Variants in PRKAR1B observed in about 807,000 individuals in gnomAD.
PRKAR1B encodes protein kinase cAMP-dependent type I regulatory subunit beta, also known as cAMP-dependent protein kinase type I-beta regulatory subunit.
Under a neutral mutation model 46.5 loss-of-function variants are expected in PRKAR1B, and 22 were observed. The ratio of observed to expected loss-of-function variants is 0.47; its 90% CI spans 0.34 to 0.68. The LOEUF (loss-of-function observed/expected upper bound fraction) is 0.68. PRKAR1B is among the 30% of genes least tolerant of loss of function. The probability of loss-of-function intolerance (pLI) is 0.01; values close to 1 mark genes in which losing one functional copy is unlikely to be tolerated. For missense variants in PRKAR1B, 445 were observed against 535.6 expected, an observed-to-expected ratio of 0.83 and a Z score of 1.67; for synonymous variants, 259 against 217.7, an observed-to-expected ratio of 1.19 and a Z score of -1.67.
chr7:594,543 A>C (rs1166361430), intron 7 of PRKAR1B, among the ~76,000 whole-genome samples: 1 of 152,134 alleles, frequency 6.6e-6, no homozygotes, highest in Non-Finnish European at 1.5e-5. Flanking sequence ...CGGCCACCCA[A>C]ACCACAGGCG....
intron 7 of PRKAR1B, among the ~76,000 whole-genome samples, chr7:587,153 G>A (rs548712545): frequency 1.3e-5 from 2 of 152,338 alleles, no homozygotes; most frequent in East Asian, 3.9e-4. Context: ...AGGAAAGAGA[G>A]ATGGACTGGA....
At chr7:557,510 G>A (rs974785419) in intron 9 of PRKAR1B, among the ~76,000 whole-genome samples, 7 of 152,236 alleles carry the variant, frequency 4.6e-5, no homozygotes, top group Non-Finnish European at 8.8e-5. Flanking sequence ...ATGGACATCT[G>A]TGCCAGATGC....
chr7:669,437 T>A (rs1420611214), intron 4 of PRKAR1B, among the ~76,000 whole-genome samples: 1 of 152,136 alleles, frequency 6.6e-6, no homozygotes, highest in African/African-American at 2.4e-5. Flanking sequence ...CCATTGTGAA[T>A]GTAACTAATG....
At chr7:641,882 CCATT>C (rs1227820391) in intron 4 of PRKAR1B, among the ~76,000 whole-genome samples, 5 of 151,632 alleles carry the variant, frequency 3.3e-5, no homozygotes, top group Non-Finnish European at 7.4e-5. Flanking sequence ...TTGAATGACT[CCATT>C]TATTTATGTA....
chr7:675,666 G>C (rs1329094680), intron 4 of PRKAR1B, among the ~76,000 whole-genome samples: 2 of 152,188 alleles, frequency 1.3e-5, no homozygotes, highest in East Asian at 3.9e-4. Context: ...TAAAAATGCA[G>C]GCCGGGCGCA....
chr7:680,835 C>A (rs376227735), intron 2 of PRKAR1B, 109 bp from the exon 3 acceptor site: 4 of 1,289,396 alleles, frequency 3.1e-6, no homozygotes, highest in Non-Finnish European at 2.2e-6. Context: ...GTGGGAGGAT[C>A]GCTTGAACTC....
chr7:652,137 A>G (rs1784933961), intron 4 of PRKAR1B, among the ~76,000 whole-genome samples: 1 of 141,660 alleles, frequency 7.1e-6, no homozygotes, highest in African/African-American at 2.8e-5. Context: ...AAGACAGTTC[A>G]CACCCACACA....
intron 9 of PRKAR1B, among the ~76,000 whole-genome samples, chr7:556,511 C>T (rs971270197): frequency 2.6e-5 from 4 of 152,348 alleles, no homozygotes; most frequent in South Asian, 2.1e-4. Flanking sequence ...AACAGTCTTC[C>T]GCACGGAGTC....
rs372464273 is a variant in PRKAR1B at position 701,300 on chromosome 7, AAAAG to A, written c.177+10025_177+10028del. Among the ~76,000 whole-genome samples the A allele has an allele frequency of 2.5e-3, 344 of 139,824 alleles. 1 individual carries two copies. The highest frequency in any genetic ancestry group is 9.3e-3 in the African/African-American group (290 of 31,190). The allele number at this position is 139,824 out of a possible 152,430, so 91.7% of individuals were successfully genotyped here. ...AGAAAGAAAGAGAAAGAAAGAAAGA[AAAAG>A]AAAGAAAGAAAGAAAAGAAAGAGAA... On this transcript the variant is annotated intron_variant, in intron 2 of 10. Transcript: ENST00000537384.
intron 4 of PRKAR1B, among the ~76,000 whole-genome samples, chr7:662,211 C>T (rs1785623075): frequency 2.9e-5 from 3 of 105,168 alleles, no homozygotes; most frequent in Admixed American, 8.8e-5. Flanking sequence ...CACAGGTCCC[C>T]ACCCCAACGG....
intron 8 of PRKAR1B, among the ~76,000 whole-genome samples, chr7:582,237 T>G (rs1031827300): frequency 9.2e-5 from 14 of 152,258 alleles, no homozygotes; most frequent in African/African-American, 3.4e-4. Flanking sequence ...ATGCTGATTC[T>G]ACGGGGTCTC....
intron 9 of PRKAR1B, among the ~76,000 whole-genome samples, chr7:557,416 C>T (rs1778513939): frequency 6.6e-6 from 1 of 152,266 alleles, no homozygotes; most frequent in Admixed American, 6.5e-5. Context: ...CTGTTTGTTA[C>T]AGCAGCTCGG....
chr7:646,619 T>C (rs1181142556), intron 4 of PRKAR1B, among the ~76,000 whole-genome samples: 1 of 152,192 alleles, frequency 6.6e-6, no homozygotes, highest in Non-Finnish European at 1.5e-5. Context: ...TTAAACCTTG[T>C]TTCCCATAAA....
intron 4 of PRKAR1B, among the ~76,000 whole-genome samples, chr7:634,110 C>G (rs1251162230): frequency 6.6e-6 from 1 of 152,160 alleles, no homozygotes; most frequent in Non-Finnish European, 1.5e-5. Flanking sequence ...GCAACCTCTG[C>G]CTCCCAGGTT....
intron 2 of PRKAR1B, among the ~76,000 whole-genome samples, chr7:698,891 C>T (rs957242110): frequency 3.3e-5 from 5 of 152,312 alleles, no homozygotes; most frequent in African/African-American, 1.2e-4. Context: ...GGCTGTCTCC[C>T]CACCCCACCT....
intron 5 of PRKAR1B, among the ~76,000 whole-genome samples, chr7:606,767 C>CGTGTGTGT (rs71546453): frequency 0.013 from 1,890 of 148,366 alleles, 26 homozygotes; most frequent in African/African-American, 0.035. Flanking sequence ...GAATTTTATG[C>CGTGTGTGT]GTGTGTGTGT....
intron 2 of PRKAR1B, among the ~76,000 whole-genome samples, chr7:705,197 C>A (rs544368651): frequency 6.6e-6 from 1 of 151,198 alleles, no homozygotes; most frequent in East Asian, 2.0e-4. Flanking sequence ...GAGGCTGAGG[C>A]AGGAAAATCG....
In PRKAR1B at chr7:607,380, G is replaced by A; in HGVS notation, c.502+11C>T. On this transcript the variant is annotated intron_variant, in intron 5 of 10. Transcript: ENST00000537384. ...TCTGGACTTTGGCTCCGAGGAGCAG[G>A]CAGAACGTACCTTGCTGTATAACAG... 1 of 1,611,708 alleles carries A rather than the reference G, an allele frequency of 6.2e-7. No individual in the cohort carries two copies. The highest frequency in any genetic ancestry group is 8.5e-7 in the Non-Finnish European group (1 of 1,178,110).
chr7:587,414 G>A (rs1439192485), intron 7 of PRKAR1B, among the ~76,000 whole-genome samples: 2 of 152,246 alleles, frequency 1.3e-5, no homozygotes, highest in Non-Finnish European at 2.9e-5. Context: ...AGAAAGTGGA[G>A]GTGAGTGCTT....
Sources: gnomAD v4.1 joint callset for allele counts (sites outside exome capture counted in the v4.1 genomes callset) on GRCh38, gnomAD v4.1.1 for gene constraint, MANE v1.5 for transcripts, NCBI Gene and HGNC (gene_info 2026-07-23, HGNC 2026-07-21) for gene names.